MTMR2: variants seen among roughly 807,000 people sequenced by gnomAD.
MTMR2 encodes the protein myotubularin related protein 2.
A neutral mutation model predicts 86.9 loss-of-function variants in MTMR2; 55 were observed. That is an observed-to-expected ratio of 0.63 (90% CI 0.51 to 0.79). The LOEUF (loss-of-function observed/expected upper bound fraction) is 0.79, where lower values mean the gene tolerates loss of function less well. MTMR2 is among the 30% of genes least tolerant of loss of function. The pLI is 0.00. For synonymous variants in MTMR2, 241 were observed against 266.8 expected, an observed-to-expected ratio of 0.90 and a Z score of 0.94; for missense variants, 659 against 772.3, an observed-to-expected ratio of 0.85 and a Z score of 1.74.
rs1865452023 is a variant in MTMR2 at position 95,884,600 on chromosome 11, G to T, written c.186+3556C>A. 3.3e-5 allele frequency among the ~76,000 whole-genome samples: 5 copies of T among 152,248 alleles called. 2 individuals are homozygous for T. In the South Asian group the frequency reaches 1.0e-3, roughly 32 times the overall value. ...AACAACTGGATCACAGGATTGTTGAGAAAGCTAAAAGAGATGAGTCATGTA... is the reference window on the plus strand; with the variant it reads ...AACAACTGGATCACAGGATTGTTGATAAAGCTAAAAGAGATGAGTCATGTA... On this transcript the variant is annotated intron_variant, in intron 2 of 14. Transcript: ENST00000346299.
chr11:95,889,931 A>G (rs559847378), intron 1 of MTMR2, among the ~76,000 whole-genome samples: 2 of 152,242 alleles, frequency 1.3e-5, no homozygotes, highest in South Asian at 2.1e-4. Flanking sequence ...AGAATGCAAA[A>G]TTTTTTTCAC....
intron 12 of MTMR2, among the ~76,000 whole-genome samples, chr11:95,841,077 A>G (rs900208719): frequency 2.0e-5 from 3 of 152,140 alleles, no homozygotes; most frequent in East Asian, 3.8e-4. Flanking sequence ...ATTTATATTA[A>G]TATTTCAAAT....
At chr11:95,869,753 A>G (rs951014548) in intron 2 of MTMR2, among the ~76,000 whole-genome samples, 14 of 152,208 alleles carry the variant, frequency 9.2e-5, no homozygotes, top group African/African-American at 3.1e-4. Flanking sequence ...AAATGGAGTA[A>G]AAGTTTAGGG....
intron 8 of MTMR2, among the ~76,000 whole-genome samples, chr11:95,850,325 A>G (rs547927186): frequency 7.9e-5 from 12 of 152,228 alleles, no homozygotes; most frequent in African/African-American, 2.9e-4. Flanking sequence ...ATACAATAAG[A>G]TAAATAAATA....
intron 2 of MTMR2, among the ~76,000 whole-genome samples, chr11:95,867,220 C>T (rs1355442409): frequency 1.3e-5 from 2 of 152,140 alleles, no homozygotes; most frequent in Admixed American, 1.3e-4. Context: ...CTCAGAAATA[C>T]AACGTTTATG....
chr11:95,858,403 A>C lies in MTMR2; in HGVS notation c.570+128T>G, dbSNP rs1282481548. ...TGATCTAAGAGACTAAGTTACACTT[A>C]CACTATACATCTGGTTAAATGTCAA... is the stretch of plus-strand genomic sequence containing the variant. On this transcript the variant is annotated intron_variant, in intron 6 of 14. Transcript: ENST00000346299. The C allele has an allele frequency of 8.3e-6, 6 of 722,618 alleles. No homozygotes were observed. The East Asian group carries it at 1.5e-4, about 18-fold the overall frequency. The allele number at this position is 722,618 out of a possible 1,614,324, so 44.8% of individuals were successfully genotyped here.
intron 2 of MTMR2, among the ~76,000 whole-genome samples, chr11:95,873,405 A>G (rs370179114): frequency 6.6e-6 from 1 of 152,112 alleles, no homozygotes; most frequent in African/African-American, 2.4e-5. Context: ...AGAGGTGTTT[A>G]TAGTATTCTC....
intron 2 of MTMR2, among the ~76,000 whole-genome samples, chr11:95,878,717 T>C (rs1457727408): frequency 6.6e-6 from 1 of 152,092 alleles, no homozygotes; most frequent in African/African-American, 2.4e-5. Flanking sequence ...TCTCCATCCA[T>C]AAGGACGAGC....
intron 2 of MTMR2, among the ~76,000 whole-genome samples, chr11:95,884,954 G>C (rs1865464124): frequency 6.6e-6 from 1 of 151,854 alleles, no homozygotes; most frequent in Non-Finnish European, 1.5e-5. Flanking sequence ...GTTAACCTTT[G>C]TTGCCTAAAA....
chr11:95,865,469 G>C, intron 3 of MTMR2, 132 bp downstream of exon 3: 1 of 851,578 alleles, frequency 1.2e-6, no homozygotes, highest in South Asian at 1.3e-5. Context: ...ATGCTGAGAA[G>C]ACTGCAGGTA....
intron 11 of MTMR2, 98 bp downstream of exon 11, chr11:95,844,855 C>G: frequency 1.8e-6 from 2 of 1,107,566 alleles, no homozygotes; most frequent in South Asian, 2.6e-5. Context: ...GATAAATGAT[C>G]AATTTCAGAT....
intron 1 of MTMR2, among the ~76,000 whole-genome samples, chr11:95,921,032 T>C (rs927265501): frequency 6.6e-6 from 1 of 152,262 alleles, no homozygotes; most frequent in African/African-American, 2.4e-5. Context: ...CTTGAGTTCA[T>C]GTAATAATAA....
At chr11:95,846,032 C>CCTTG (rs1177068180) in intron 10 of MTMR2, among the ~76,000 whole-genome samples, 2 of 152,006 alleles carry the variant, frequency 1.3e-5, no homozygotes, top group Non-Finnish European at 2.9e-5. Context: ...GATAACCTCC[C>CCTTG]CTTGATCACA....
intron 7 of MTMR2, among the ~76,000 whole-genome samples, chr11:95,856,953 T>G (rs1267522225): frequency 6.6e-6 from 1 of 152,164 alleles, no homozygotes; most frequent in Non-Finnish European, 1.5e-5. Context: ...TATTTTGTAT[T>G]CTATTTCATA....
intron 5 of MTMR2, among the ~76,000 whole-genome samples, chr11:95,859,291 G>T (rs1372921131): frequency 6.6e-6 from 1 of 152,166 alleles, no homozygotes; most frequent in Non-Finnish European, 1.5e-5. Context: ...TCTACAGTAA[G>T]GTCTAAAGAC....
At chr11:95,864,103 G>T (rs1266649638) in intron 3 of MTMR2, among the ~76,000 whole-genome samples, 1 of 152,068 alleles carries the variant, frequency 6.6e-6, no homozygotes, top group East Asian at 1.9e-4. Flanking sequence ...GGAGATGTTG[G>T]GTATAAGGTT....
Position 95,841,699 on chromosome 11 carries a change from T to C in MTMR2, c.1397A>G (p.His466Arg). The change falls in exon 12 of 15, where the codon CAT (histidine) becomes CGT (arginine). Residue 466 changes from histidine to arginine, a missense_variant. By Grantham distance (29) the His-to-Arg change is conservative. Around this residue, in one of 3 missense-constraint regions of MTMR2, gnomAD observed 387 missense variants for 526.3 expected, o/e 0.74. Coordinates refer to ENST00000346299, the MANE Select transcript of MTMR2 (RefSeq NM_016156.6). Reference protein sequence around the residue: ...FGHRFQLRVGHGDKNHADADR... With the variant: ...FGHRFQLRVGRGDKNHADADR... The stretch of plus-strand genomic sequence containing the variant: ...TGCATCTGCATGGTTCTTATCTCCA[T>C]GGCCAACTCTCTGAAGCAAAAAGAG... 1 of 1,612,420 alleles carries C rather than the reference T, an allele frequency of 6.2e-7. No homozygotes were observed. The highest frequency in any genetic ancestry group is 8.5e-7 in the Non-Finnish European group (1 of 1,178,528).
intron 1 of MTMR2, among the ~76,000 whole-genome samples, chr11:95,900,134 G>C (rs967088897): frequency 6.6e-6 from 1 of 152,116 alleles, no homozygotes; most frequent in African/African-American, 2.4e-5. Context: ...AGAGCGAGCA[G>C]GTTTGGCTAG....
chr11:95,865,547 C>T, intron 3 of MTMR2, 54 bp downstream of exon 3: 2 of 1,494,728 alleles, frequency 1.3e-6, no homozygotes, highest in Non-Finnish European at 1.9e-6. Flanking sequence ...GAGTACTGAA[C>T]ATTCTGCACA....
Sources: gnomAD v4.1 joint callset for allele counts (sites outside exome capture counted in the v4.1 genomes callset) on GRCh38, gnomAD v4.1.1 for gene constraint, gnomAD v4.1.1 regional missense constraint, MANE v1.5 for transcripts, NCBI Gene and HGNC (gene_info 2026-07-23, HGNC 2026-07-21) for gene names.